Variants in TOR1AIP2 observed in about 807,000 individuals in gnomAD.
TOR1AIP2 encodes torsin 1A interacting protein 2.
In TOR1AIP2, 20 loss-of-function variants were observed where a neutral mutation model predicts 32.6. That is an observed-to-expected ratio of 0.61 (90% CI 0.43 to 0.89). TOR1AIP2 has a LOEUF of 0.89. TOR1AIP2 is among the 40% of genes least tolerant of loss of function. The pLI, the probability that TOR1AIP2 is intolerant of heterozygous loss-of-function variation, is 0.00. For synonymous variants in TOR1AIP2, 214 were observed against 210.8 expected, an observed-to-expected ratio of 1.02 and a Z score of -0.13; for missense variants, 456 against 553.8, an observed-to-expected ratio of 0.82 and a Z score of 1.77.
intron 2 of TOR1AIP2, chr1:179,868,033 T>A (rs1319720160): frequency 6.6e-6 from 1 of 152,232 alleles, no homozygotes; most frequent in Non-Finnish European, 1.5e-5. Flanking sequence ...CCTGGGAAAA[T>A]GCTCCTGGCA....
In TOR1AIP2 at chr1:179,843,510, CAAAA is replaced by C. The variant is rs1171986747; in HGVS notation, c.*2557_*2560del. On this transcript the variant is annotated 3_prime_UTR_variant, in exon 7 of 7. Coordinates refer to ENST00000609928, the MANE Select transcript of TOR1AIP2 (RefSeq NM_001199260.2). ...TGGGTGACAGAGCAAGACCTTCTCT[CAAAA>C]AAAAAAAAAAAAAAAAAAGAAGTTT... The C allele has an allele frequency of 0.027, 1,933 of 71,862 alleles. 50 individuals carry two copies. Among genetic ancestry groups the C allele is most frequent in the African/African-American group, 0.092 (1,808 of 19,646 alleles). The allele number at this position is 71,862 out of a possible 1,614,324, so 4.5% of individuals were successfully genotyped here.
intron 2 of TOR1AIP2, among the ~76,000 whole-genome samples, chr1:179,871,045 A>G (rs567943181): frequency 6.6e-6 from 1 of 152,348 alleles, no homozygotes; most frequent in East Asian, 1.9e-4. Context: ...CCAGTGATTT[A>G]GGTGAAGGCT....
Position 179,850,969 on chromosome 1 carries a change from C to T in TOR1AIP2, c.429G>A (p.Ala143=), listed in dbSNP as rs766995676. 6 of 1,614,068 alleles carry T rather than the reference C, an allele frequency of 3.7e-6. No individual in the cohort carries two copies. The highest frequency in any genetic ancestry group is 4.5e-5 in the East Asian group (2 of 44,892). Reference sequence around the variant, plus strand: ...CCTGAGATGCTCCAGTTCCGTCACTCGCTTCCTTAGGGAGGGCCACAGAGC... The same window carrying T: ...CCTGAGATGCTCCAGTTCCGTCACTTGCTTCCTTAGGGAGGGCCACAGAGC... The part of the protein sequence containing the change: ...GSSSVALPKE[A]SDGTGASQEP... The change falls in exon 5 of 7, where the codon GCG becomes GCA. Residue 143 remains alanine, a synonymous_variant. Transcript: ENST00000609928.
chr1:179,855,212 C>A (rs1696254255), intron 3 of TOR1AIP2, among the ~76,000 whole-genome samples: 1 of 151,922 alleles, frequency 6.6e-6, no homozygotes, highest in Non-Finnish European at 1.5e-5. Context: ...AATACACAAA[C>A]CAGAAAGGAA....
chr1:179,853,642 A>T (rs1293702463), intron 3 of TOR1AIP2, among the ~76,000 whole-genome samples: 1 of 152,236 alleles, frequency 6.6e-6, no homozygotes, highest in Non-Finnish European at 1.5e-5. Flanking sequence ...GCCTAGCTGG[A>T]AGGCTAGCCA....
chr1:179,852,678 TCTC>T lies in TOR1AIP2; in HGVS notation c.-16_-14del. The T allele has an allele frequency of 6.2e-7, 1 of 1,614,102 alleles. No individual in the cohort carries two copies. Among genetic ancestry groups the T allele is most frequent in the Non-Finnish European group, 8.5e-7 (1 of 1,179,972 alleles). ...CACTGTCGGCCATGTTTGTGTTCTA[TCTC>T]TTCAGAGTTGGGAGGATACTTTTTT... On this transcript the variant is annotated 5_prime_UTR_variant, in exon 4 of 7. Coordinates refer to ENST00000609928, the MANE Select transcript of TOR1AIP2 (RefSeq NM_001199260.2).
At chr1:179,863,318 T>C (rs903403685) in intron 3 of TOR1AIP2, 25 of 983,906 alleles carry the variant, frequency 2.5e-5, no homozygotes, top group Non-Finnish European at 2.9e-5. Flanking sequence ...TTTGCCAAGG[T>C]TTCCCAGGCT....
Position 179,846,503 on chromosome 1 carries a change from G to A in TOR1AIP2, c.981C>T (p.Pro327=), listed in dbSNP as rs373359926. 6.2e-5 allele frequency: 100 copies of A among 1,614,148 alleles called. No individual in the cohort carries two copies. The Middle Eastern group carries it at 8.2e-4, about 13-fold the overall frequency. ...TCCTTCCAGCCCCATCAATCTGAATGGGAGAGACTTTCTGGGAAGAGGTGT... is the reference window on the plus strand; with the variant it reads ...TCCTTCCAGCCCCATCAATCTGAATAGGAGAGACTTTCTGGGAAGAGGTGT... ...DAYTSSQKVS[P]IQIDGAGRTW... The change falls in exon 7 of 7, where the codon CCC becomes CCT. Residue 327 remains proline, a synonymous_variant. Transcript: ENST00000609928.
intron 3 of TOR1AIP2, among the ~76,000 whole-genome samples, chr1:179,857,873 C>T (rs573153422): frequency 6.6e-6 from 1 of 152,230 alleles, no homozygotes; most frequent in South Asian, 2.1e-4. Flanking sequence ...GCATTCAGAT[C>T]ACTTTATGTA....
chr1:179,864,190 CAAT>C, intron 3 of TOR1AIP2: 1 of 985,434 alleles, frequency 1.0e-6, no homozygotes, highest in Non-Finnish European at 1.2e-6. Flanking sequence ...GACCAGTTAT[CAAT>C]AATCTCACAG....
intron 3 of TOR1AIP2, chr1:179,864,429 G>A: frequency 1.0e-6 from 1 of 1,004,890 alleles, no homozygotes. Flanking sequence ...CCACTATGAA[G>A]CACACAGTAT....
Position 179,842,228 on chromosome 1 carries a change from G to T in TOR1AIP2, c.*3843C>A, listed in dbSNP as rs915972731. On this transcript the variant is annotated 3_prime_UTR_variant, in exon 7 of 7. Coordinates refer to ENST00000609928, the MANE Select transcript of TOR1AIP2 (RefSeq NM_001199260.2). ...AAAAAAAAAAAAAGGCTGTTAAAGG[G>T]TCAAAACCATCTCAGCGGCTAGCAC... The T allele has an allele frequency of 1.2e-4, 19 of 152,060 alleles. No individual in the cohort carries two copies. The highest frequency in any genetic ancestry group is 1.3e-4 in the Non-Finnish European group (9 of 68,018). 9.4% of individuals were successfully genotyped at this position (152,060 alleles called of 1,614,324 possible). A position where few individuals can be genotyped will look rare whatever the true frequency, so the allele number is the denominator to read the frequency against.
At chr1:179,852,954 G>T in intron 3 of TOR1AIP2, 143 bp from the exon 4 acceptor site, 2 of 433,538 alleles carry the variant, frequency 4.6e-6, no homozygotes, top group Non-Finnish European at 7.0e-6. Context: ...TTCCTTTCAT[G>T]AGAATCATAT....
At chr1:179,864,593 C>A in intron 3 of TOR1AIP2, 1 of 1,359,336 alleles carries the variant, frequency 7.4e-7, no homozygotes, top group Non-Finnish European at 9.4e-7. Flanking sequence ...GATGAACAGG[C>A]TGGCTGGAAT....
chr1:179,876,550 A>C (rs1316650101), intron 2 of TOR1AIP2, among the ~76,000 whole-genome samples: 1 of 152,192 alleles, frequency 6.6e-6, no homozygotes, highest in African/African-American at 2.4e-5. Flanking sequence ...AATCCACACA[A>C]AGTCTTCCAA....
chr1:179,861,232 G>A, intron 3 of TOR1AIP2: 6 of 985,334 alleles, frequency 6.1e-6, no homozygotes, highest in Non-Finnish European at 7.2e-6. Flanking sequence ...CAGATCATTT[G>A]TCATTACAAT....
chr1:179,865,315 A>G, intron 3 of TOR1AIP2, 121 bp downstream of exon 3: 2 of 1,170,908 alleles, frequency 1.7e-6, no homozygotes, highest in Non-Finnish European at 2.4e-6. Flanking sequence ...GGAGAGCCAA[A>G]TAAACTTGGC....
Position 179,850,883 on chromosome 1 carries a change from TCTTGCCCTGCA to T in TOR1AIP2, c.504_514del (p.Ser168ArgfsTer3). The stretch of plus-strand genomic sequence containing the variant: ...TCGCCTCCTCAGTGTATCCTCACCC[TCTTGCCCTGCA>T]CTGGAATGACCAGGACTCTGGGCCT... On this transcript the variant is annotated frameshift_variant, in exon 5 of 7. Coordinates refer to ENST00000609928, the MANE Select transcript of TOR1AIP2 (RefSeq NM_001199260.2). LOFTEE classifies it high-confidence loss of function. 6.2e-7 allele frequency: 1 copy of T among 1,614,070 alleles called. No homozygotes were observed. Among genetic ancestry groups the T allele is most frequent in the South Asian group, 1.1e-5 (1 of 91,084 alleles).
At chr1:179,862,428 A>G in intron 3 of TOR1AIP2, 1 of 985,144 alleles carries the variant, frequency 1.0e-6, no homozygotes, top group Non-Finnish European at 1.2e-6. Context: ...TAAACTAACT[A>G]GTCTTCAGTC....
Sources: allele counts gnomAD v4.1 joint callset (sites outside exome capture counted in the v4.1 genomes callset), GRCh38; gene constraint gnomAD v4.1.1; transcripts MANE v1.5; gene names NCBI Gene and HGNC (gene_info 2026-07-23, HGNC 2026-07-21).